SPECC1: variants seen among roughly 807,000 people sequenced by gnomAD.
The protein encoded by SPECC1 is cytospin-B.
SPECC1 carries 62 observed loss-of-function variants against 104.1 expected under a neutral mutation model. The ratio of observed to expected loss-of-function variants is 0.60; its 90% CI spans 0.49 to 0.74. The LOEUF is 0.74. Among genes scored for constraint, SPECC1 ranks in the 30% least tolerant of loss-of-function variants. SPECC1 has a pLI of 0.00. For synonymous variants in SPECC1, 513 were observed against 501.6 expected (o/e 1.02, Z -0.30); for missense variants, 1,306 against 1,310.5 (o/e 1.00, Z 0.05).
In SPECC1 at chr17:20,318,544, C is replaced by T. The variant is rs1891256141; in HGVS notation, c.*4479C>T. 7 of 229,950 alleles carry T rather than the reference C, an allele frequency of 3.0e-5. No individual in the cohort carries two copies. The South Asian group carries it at 1.1e-3, about 36-fold the overall frequency. The allele number at this position is 229,950 out of a possible 1,614,324, so 14.2% of individuals were successfully genotyped here. A position where few individuals can be genotyped will look rare whatever the true frequency, so the allele number is the denominator to read the frequency against. On this transcript the variant is annotated 3_prime_UTR_variant, in exon 15 of 15. Transcript: ENST00000395527. ...ACAAACGTTACGGAGACTCCCTTAG[C>T]CTCCCCCTCCTCTTCCCCACTGAGG...
At position 20,205,456 on chromosome 17, in the gene SPECC1, G is replaced by T. The variant is rs770149351; in HGVS notation, c.1407G>T (p.Lys469Asn). Residue 469 changes from lysine (K) to asparagine (N), a missense_variant, in exon 4 of 15, where the codon AAG becomes AAT. By Grantham distance (94) the Lys-to-Asn change is moderately conservative. This residue lies in a region of SPECC1 where 1,177 missense variants were observed against 1,139.9 expected (regional missense o/e 1.03). Transcript: ENST00000395527. ...QEGKIIELEQ[K>N]CTGILEQGRF... ...GAAAAATTATTGAACTGGAGCAGAAGTGCACAGGTATTCTTGAACAGGGCC... is the reference window on the plus strand; with the variant it reads ...GAAAAATTATTGAACTGGAGCAGAATTGCACAGGTATTCTTGAACAGGGCC... 6.2e-7 allele frequency: 1 copy of T among 1,613,986 alleles called. No homozygotes were observed. The highest frequency in any genetic ancestry group is 1.7e-5 in the Admixed American group (1 of 60,010).
At chr17:20,111,127 T>C in intron 3 of SPECC1, among the ~76,000 whole-genome samples, 1 of 152,218 alleles carries the variant, frequency 6.6e-6, no homozygotes, top group Non-Finnish European at 1.5e-5. Flanking sequence ...ATGTGAAACA[T>C]GAAATATCAA....
At chr17:20,140,303 T>C (rs2030617384) in intron 3 of SPECC1, among the ~76,000 whole-genome samples, 1 of 152,222 alleles carries the variant, frequency 6.6e-6, no homozygotes. Context: ...TCCATTCTTA[T>C]ATCTCCTATG....
intron 3 of SPECC1, among the ~76,000 whole-genome samples, chr17:20,149,215 A>G (rs1457011604): frequency 6.6e-6 from 1 of 152,198 alleles, no homozygotes; most frequent in East Asian, 1.9e-4. Context: ...TGCAGTTGTT[A>G]AGAACACAAA....
chr17:20,182,119 C>CTTCTTTT (rs1555622300), intron 3 of SPECC1, among the ~76,000 whole-genome samples: 2 of 136,580 alleles, frequency 1.5e-5, no homozygotes, highest in Non-Finnish European at 3.1e-5. Context: ...CTTTCTTTTT[C>CTTCTTTT]TTTTTTTTTT....
intron 1 of SPECC1, among the ~76,000 whole-genome samples, chr17:20,068,472 T>G (rs889108203): frequency 6.6e-6 from 1 of 152,224 alleles, no homozygotes; most frequent in African/African-American, 2.4e-5. Context: ...TGTTTGAACT[T>G]CTGTTTTCAA....
intron 12 of SPECC1, among the ~76,000 whole-genome samples, chr17:20,274,597 C>T (rs1004100142): frequency 1.8e-4 from 27 of 149,176 alleles, no homozygotes; most frequent in Admixed American, 1.2e-3. Context: ...TCTCCTGCCT[C>T]AGCCTCCCTA....
At chr17:20,053,216 T>C (rs1192601298) in intron 1 of SPECC1, among the ~76,000 whole-genome samples, 4 of 152,202 alleles carry the variant, frequency 2.6e-5, no homozygotes, top group Admixed American at 2.6e-4. Flanking sequence ...CTTTCATGGC[T>C]CACTTTTCAG....
intron 1 of SPECC1, among the ~76,000 whole-genome samples, chr17:20,031,306 A>G (rs546598186): frequency 6.6e-6 from 1 of 151,698 alleles, no homozygotes; most frequent in Non-Finnish European, 1.5e-5. Context: ...CTGCTTAATC[A>G]TTTTTAAATT....
chr17:20,176,220 A>G (rs1414372727), intron 3 of SPECC1, among the ~76,000 whole-genome samples: 2 of 152,224 alleles, frequency 1.3e-5, no homozygotes, highest in East Asian at 1.9e-4. Flanking sequence ...CCAGAAGTTA[A>G]TAAGTTCTCA....
chr17:20,168,878 A>T (rs2033870542), intron 3 of SPECC1, among the ~76,000 whole-genome samples: 1 of 152,018 alleles, frequency 6.6e-6, no homozygotes, highest in South Asian at 2.1e-4. Context: ...GGTATATTTT[A>T]TTTTATTTTT....
At chr17:20,194,703 AC>A (rs1283029238) in intron 3 of SPECC1, among the ~76,000 whole-genome samples, 1 of 151,578 alleles carries the variant, frequency 6.6e-6, no homozygotes, top group Non-Finnish European at 1.5e-5. Context: ...ATGGGGTTTC[AC>A]CATGTTGGCT....
intron 1 of SPECC1, among the ~76,000 whole-genome samples, chr17:20,055,643 C>T (rs1386469512): frequency 6.6e-6 from 1 of 152,108 alleles, no homozygotes; most frequent in Non-Finnish European, 1.5e-5. Flanking sequence ...GTAACTTTAC[C>T]TCTCTATACA....
intron 12 of SPECC1, among the ~76,000 whole-genome samples, chr17:20,292,872 G>A (rs1327064453): frequency 6.6e-6 from 1 of 152,182 alleles, no homozygotes; most frequent in Non-Finnish European, 1.5e-5. Flanking sequence ...GTTGTGTGTT[G>A]CTTTCAGCTA....
intron 4 of SPECC1, among the ~76,000 whole-genome samples, chr17:20,223,927 G>A (rs894767028): frequency 3.3e-5 from 5 of 152,126 alleles, no homozygotes; most frequent in African/African-American, 9.7e-5. Flanking sequence ...GGAAGAGTCC[G>A]GTATTTATTC....
intron 4 of SPECC1, among the ~76,000 whole-genome samples, chr17:20,207,753 A>T (rs1237119661): frequency 1.3e-5 from 2 of 152,224 alleles, no homozygotes; most frequent in Admixed American, 1.3e-4. Flanking sequence ...TACATGTTTG[A>T]GCATGCATAA....
intron 3 of SPECC1, among the ~76,000 whole-genome samples, chr17:20,180,846 G>A (rs1056824336): frequency 9.2e-5 from 14 of 152,048 alleles, no homozygotes; most frequent in African/African-American, 2.9e-4. Context: ...TATTTATTGC[G>A]AAAATGTACA....
chr17:20,277,433 T>C (rs1444040315), intron 12 of SPECC1, among the ~76,000 whole-genome samples: 1 of 152,216 alleles, frequency 6.6e-6, no homozygotes, highest in African/African-American at 2.4e-5. Context: ...TATGTTTAAT[T>C]TCACAGGGAG....
rs147754111 is a variant in SPECC1, at chr17:20,068,797, A to G, written c.-21-27834A>G. The stretch of plus-strand genomic sequence containing the variant: ...GTTGGCCACTTGTATTGTATAGTCT[A>G]TTTGGAGAAATACCTGTTCAGATCC... On this transcript the variant is annotated intron_variant, in intron 1 of 14. Transcript: ENST00000395527. Among the ~76,000 whole-genome samples, 232 of 152,248 alleles carry G rather than the reference A, an allele frequency of 1.5e-3. 2 individuals are homozygous for G. The highest frequency in any genetic ancestry group is 5.2e-3 in the African/African-American group (217 of 41,528).
Sources: allele counts gnomAD v4.1 joint callset (sites outside exome capture counted in the v4.1 genomes callset), GRCh38; gene constraint gnomAD v4.1.1; regional missense constraint gnomAD v4.1.1; transcripts MANE v1.5; gene names NCBI Gene and HGNC (gene_info 2026-07-23, HGNC 2026-07-21).